DNAJC18: variants seen among roughly 807,000 people sequenced by gnomAD.
DNAJC18 encodes the protein dnaJ homolog subfamily C member 18.
A neutral mutation model predicts 48.6 loss-of-function variants in DNAJC18; 40 were observed. The observed-to-expected ratio is 0.82, with a 90% confidence interval of 0.64 to 1.07. The LOEUF (loss-of-function observed/expected upper bound fraction) is 1.07, where lower values mean the gene tolerates loss of function less well. DNAJC18 is among the 50% of genes least tolerant of loss of function. The pLI, the probability that DNAJC18 is intolerant of heterozygous loss-of-function variation, is 0.00. For missense variants in DNAJC18, 340 were observed against 427.7 expected (o/e 0.79, Z 1.81); for synonymous variants, 135 against 152.2 (o/e 0.89, Z 0.83).
rs201501352 is a variant in DNAJC18 at position 139,431,220 on chromosome 5, G to A, written c.228-2537C>T. Among the ~76,000 whole-genome samples the A allele has an allele frequency of 4.6e-5, 7 of 152,004 alleles. No individual in the cohort carries two copies. In the East Asian group the frequency reaches 1.3e-3, roughly 29 times the overall value. Reference sequence around the variant, plus strand: ...AATGCTTTATTGAGAAATAATCCACGTACCATAAAGTTCACCCTTTTAAAA... The same window carrying A: ...AATGCTTTATTGAGAAATAATCCACATACCATAAAGTTCACCCTTTTAAAA... On this transcript the variant is annotated intron_variant, in intron 2 of 7. Transcript: ENST00000302060.
chr5:139,428,658 C>T lies in DNAJC18; in HGVS notation c.253G>A (p.Glu85Lys), dbSNP rs1159550930. 2 of 1,611,984 alleles carry T rather than the reference C, an allele frequency of 1.2e-6. No homozygotes were observed. Among genetic ancestry groups the T allele is most frequent in the African/African-American group, 2.7e-5 (2 of 74,652 alleles). The stretch of plus-strand genomic sequence containing the variant: ...GCATCTCGAGAAACTCCCAGAATTT[C>T]ATAGTAATTTCTGCATTTCTTGATC... ...QRIKKCRNYY[E>K]ILGVSRDASD... The change falls in exon 3 of 8, where the codon GAA becomes AAA. Residue 85 changes from glutamate to lysine, a missense_variant. Transcript: ENST00000302060.
intron 7 of DNAJC18, among the ~76,000 whole-genome samples, chr5:139,418,542 C>T (rs1315708148): frequency 1.3e-5 from 2 of 152,138 alleles, no homozygotes; most frequent in African/African-American, 4.8e-5. Flanking sequence ...TAGAGTATTT[C>T]CTGAATCCTC....
At position 139,414,057 on chromosome 5, in the gene DNAJC18, TC is replaced by T; in HGVS notation, c.*90del. The T allele has an allele frequency of 6.5e-7, 1 of 1,526,784 alleles. No homozygotes were observed. Among genetic ancestry groups the T allele is most frequent in the Non-Finnish European group, 8.8e-7 (1 of 1,137,766 alleles). The allele number at this position is 1,526,784 out of a possible 1,614,324, so 94.6% of individuals were successfully genotyped here. A position where few individuals can be genotyped will look rare whatever the true frequency, so the allele number is the denominator to read the frequency against. On this transcript the variant is annotated 3_prime_UTR_variant, in exon 8 of 8. Coordinates refer to ENST00000302060, the MANE Select transcript of DNAJC18 (RefSeq NM_152686.4). ...AAGTTAGCAAATAGTAAAGTGTTCA[TC>T]ATTACCTAGTTTTGTATTATAAAAT...
At chr5:139,423,205 A>G (rs185807372) in intron 5 of DNAJC18, among the ~76,000 whole-genome samples, 2 of 152,278 alleles carry the variant, frequency 1.3e-5, no homozygotes, top group African/African-American at 4.8e-5. Context: ...CAAATTATCA[A>G]TGCACTGCAT....
intron 2 of DNAJC18, 52 bp from the exon 3 acceptor site, chr5:139,428,735 A>G: frequency 6.4e-7 from 1 of 1,554,564 alleles, no homozygotes; most frequent in Non-Finnish European, 8.6e-7. Context: ...TTGTACAACT[A>G]ATTGCAAGAT....
In DNAJC18 at chr5:139,414,076, T is replaced by C. The variant is rs1378880300; in HGVS notation, c.*72A>G. 5.1e-6 allele frequency: 8 copies of C among 1,564,964 alleles called. No individual in the cohort carries two copies. The Admixed American group carries it at 1.4e-4, about 28-fold the overall frequency. ...TGTTCATCATTACCTAGTTTTGTAT[T>C]ATAAAATGGAATCAGGAACATAAAT... is the stretch of plus-strand genomic sequence containing the variant. On this transcript the variant is annotated 3_prime_UTR_variant, in exon 8 of 8. Coordinates refer to ENST00000302060, the MANE Select transcript of DNAJC18 (RefSeq NM_152686.4).
At chr5:139,415,951 A>C (rs1032083926) in intron 7 of DNAJC18, among the ~76,000 whole-genome samples, 2 of 152,196 alleles carry the variant, frequency 1.3e-5, no homozygotes, top group Non-Finnish European at 2.9e-5. Flanking sequence ...ATTGAAGGCC[A>C]CTTCAACAAG....
At position 139,439,334 on chromosome 5, in the gene DNAJC18, C is replaced by T. The variant is rs1750743827; in HGVS notation, c.40+72G>A. 2.5e-6 allele frequency: 4 copies of T among 1,606,394 alleles called. No individual in the cohort carries two copies. Among genetic ancestry groups the T allele is most frequent in the African/African-American group, 2.7e-5 (2 of 74,786 alleles). On this transcript the variant is annotated intron_variant, in intron 1 of 7. Transcript: ENST00000302060. The surrounding 1 kb of genome is among the most constrained non-coding windows in gnomAD (Gnocchi z 4.1). Reference sequence around the variant, plus strand: ...CAGACCCAGGATCTCAGCCCTTGTGCGTCTTCAGGATCCTCATCCCTGATC... The same window carrying T: ...CAGACCCAGGATCTCAGCCCTTGTGTGTCTTCAGGATCCTCATCCCTGATC...
intron 5 of DNAJC18, among the ~76,000 whole-genome samples, chr5:139,423,441 G>T (rs1176856955): frequency 1.3e-5 from 2 of 149,860 alleles, no homozygotes; most frequent in African/African-American, 4.9e-5. Context: ...CCAGGCTAGA[G>T]TACAGTGACA....
At position 139,437,365 on chromosome 5, in the gene DNAJC18, T is replaced by G. The variant is rs1480877576; in HGVS notation, c.227+7A>C. On this transcript the variant is annotated splice_region_variant and intron_variant, in intron 2 of 7. Transcript: ENST00000302060. ...AAATCACTCATTTAATCTCACCACA[T>G]GCTCACCTTTGTACCCCAAGCAGCT... is the stretch of plus-strand genomic sequence containing the variant. 8 of 1,600,456 alleles carry G rather than the reference T, an allele frequency of 5.0e-6. No homozygotes were observed. The highest frequency in any genetic ancestry group is 1.7e-5 in the Admixed American group (1 of 57,544).
chr5:139,412,616 C>T lies in DNAJC18; in HGVS notation c.*1532G>A. On this transcript the variant is annotated 3_prime_UTR_variant, in exon 8 of 8. Coordinates refer to ENST00000302060, the MANE Select transcript of DNAJC18 (RefSeq NM_152686.4). ...TGAAGGAAGCATGGAGTGTAGGCTACAGTCACTTAATGATCCTTCCAAGTT... is the reference window on the plus strand; with the variant it reads ...TGAAGGAAGCATGGAGTGTAGGCTATAGTCACTTAATGATCCTTCCAAGTT... 5.0e-6 allele frequency: 2 copies of T among 398,508 alleles called. No individual in the cohort carries two copies. The highest frequency in any genetic ancestry group is 3.6e-5 in the East Asian group (1 of 28,068). 24.7% of individuals were successfully genotyped at this position (398,508 alleles called of 1,614,324 possible).
At chr5:139,425,345 G>T (rs576867181) in intron 4 of DNAJC18, among the ~76,000 whole-genome samples, 1 of 152,120 alleles carries the variant, frequency 6.6e-6, no homozygotes, top group Non-Finnish European at 1.5e-5. Context: ...TGTATTTTTA[G>T]TAGAGATGGG....
chr5:139,420,333 C>A, intron 6 of DNAJC18, 108 bp from the exon 7 acceptor site: 3 of 1,124,264 alleles, frequency 2.7e-6, no homozygotes, highest in Non-Finnish European at 3.7e-6. Flanking sequence ...AGAGCAGAGG[C>A]AGATATCATT....
chr5:139,418,201 C>T (rs894120513), intron 7 of DNAJC18, among the ~76,000 whole-genome samples: 6 of 152,274 alleles, frequency 3.9e-5, no homozygotes, highest in East Asian at 3.9e-4. Flanking sequence ...GACAGGATCT[C>T]GCTCTGTGGC....
chr5:139,439,330 T>C lies in DNAJC18; in HGVS notation c.40+76A>G. 7 of 1,607,696 alleles carry C rather than the reference T, an allele frequency of 4.4e-6. No homozygotes were observed. Among genetic ancestry groups the C allele is most frequent in the Non-Finnish European group, 6.0e-6 (7 of 1,174,792 alleles). ...ACCTCAGACCCAGGATCTCAGCCCT[T>C]GTGCGTCTTCAGGATCCTCATCCCT... On this transcript the variant is annotated intron_variant, in intron 1 of 7. Coordinates refer to ENST00000302060, the MANE Select transcript of DNAJC18 (RefSeq NM_152686.4). The surrounding 1 kb of genome is among the most constrained non-coding windows in gnomAD (Gnocchi z 4.1).
intron 2 of DNAJC18, among the ~76,000 whole-genome samples, chr5:139,434,993 T>C (rs1750613707): frequency 6.6e-6 from 1 of 152,220 alleles, no homozygotes; most frequent in African/African-American, 2.4e-5. Flanking sequence ...TGATGTTAAC[T>C]GTGGATTTCT....
rs143143859 is a variant in DNAJC18, at chr5:139,416,623, A to C, written c.953-2351T>G. On this transcript the variant is annotated intron_variant, in intron 7 of 7. Transcript: ENST00000302060. Reference sequence around the variant, plus strand: ...CCATAACCCACACAACCTCTCTAGGAGGAAGTGGATTCTATCCCCATTTCA... The same window carrying C: ...CCATAACCCACACAACCTCTCTAGGCGGAAGTGGATTCTATCCCCATTTCA... Among the ~76,000 whole-genome samples, 3 of 152,374 alleles carry C rather than the reference A, an allele frequency of 2.0e-5. No homozygotes were observed. The East Asian group carries it at 5.8e-4, about 29-fold the overall frequency.
At chr5:139,434,861 T>G (rs980431402) in intron 2 of DNAJC18, among the ~76,000 whole-genome samples, 4 of 152,190 alleles carry the variant, frequency 2.6e-5, no homozygotes, top group African/African-American at 9.7e-5. Context: ...TTTCTTTTTC[T>G]TGCTTAAATG....
intron 2 of DNAJC18, 91 bp downstream of exon 2, chr5:139,437,281 A>C: frequency 7.0e-7 from 1 of 1,424,480 alleles, no homozygotes; most frequent in Non-Finnish European, 9.4e-7. Flanking sequence ...CATCATCATC[A>C]TTATCATCAG....
Sources: gnomAD v4.1 joint callset for allele counts (sites outside exome capture counted in the v4.1 genomes callset) on GRCh38, gnomAD v4.1.1 for gene constraint, Gnocchi (gnomAD v3.1) non-coding constraint, MANE v1.5 for transcripts, NCBI Gene and HGNC (gene_info 2026-07-23, HGNC 2026-07-21) for gene names.